The following TLL1 variants were observed in gnomAD, a reference collection of about 807,000 sequenced individuals.
The protein encoded by TLL1 is tolloid like 1, also known as tolloid-like protein 1.
Under a neutral mutation model 128.2 loss-of-function variants are expected in TLL1, and 49 were observed. The ratio of observed to expected loss-of-function variants is 0.38; its 90% confidence interval spans 0.30 to 0.48. TLL1 has a LOEUF of 0.48. TLL1 is among the 20% of genes least tolerant of loss of function. TLL1 has a pLI of 0.96. For synonymous variants in TLL1, 454 were observed against 418.8 expected (o/e 1.08, Z -1.03); for missense variants, 1,123 against 1,242.0 (o/e 0.90, Z 1.44).
At chr4:165,895,187 T>A (rs939820312) in intron 1 of TLL1, among the ~76,000 whole-genome samples, 2 of 152,034 alleles carry the variant, frequency 1.3e-5, no homozygotes, top group African/African-American at 4.8e-5. Flanking sequence ...ATCAAAGGAA[T>A]ACAGATTGGA....
chr4:166,069,990 T>C (rs1380591944), intron 16 of TLL1, among the ~76,000 whole-genome samples: 1 of 151,786 alleles, frequency 6.6e-6, no homozygotes, highest in Non-Finnish European at 1.5e-5. Context: ...ATTTGGACAT[T>C]ATGTAGAATT....
intron 1 of TLL1, among the ~76,000 whole-genome samples, chr4:165,875,883 C>T (rs1730702362): frequency 1.3e-5 from 2 of 151,692 alleles, no homozygotes; most frequent in Non-Finnish European, 2.9e-5. Flanking sequence ...GTTTAGTTTC[C>T]TCAGCAAATA....
In TLL1 at chr4:166,061,561, C is replaced by CT. The variant is rs1283856442; in HGVS notation, c.2007+1380dup. On this transcript the variant is annotated intron_variant, in intron 15 of 20. Transcript: ENST00000061240. ...TGCCTGGCCTCTTTCCTTTTAATTA[C>CT]TTTTTTTCCTCTTAATTCTGCTTGT... 2.6e-5 allele frequency among the ~76,000 whole-genome samples: 4 copies of CT among 151,990 alleles called. No homozygotes were observed. In the East Asian group the frequency reaches 7.8e-4, roughly 30 times the overall value.
chr4:165,917,534 A>G (rs1032351235), intron 1 of TLL1, among the ~76,000 whole-genome samples: 1 of 152,126 alleles, frequency 6.6e-6, no homozygotes, highest in African/African-American at 2.4e-5. Flanking sequence ...AGTGAATGAT[A>G]TATCTTTGTT....
At chr4:166,100,064 G>T (rs1742220792) in intron 20 of TLL1, among the ~76,000 whole-genome samples, 1 of 152,116 alleles carries the variant, frequency 6.6e-6, no homozygotes, top group Non-Finnish European at 1.5e-5. Flanking sequence ...CAGGTCAGAA[G>T]ACGTCACCAT....
chr4:166,062,827 C>T (rs1287282736), intron 15 of TLL1, among the ~76,000 whole-genome samples: 3 of 152,082 alleles, frequency 2.0e-5, no homozygotes, highest in Non-Finnish European at 4.4e-5. Flanking sequence ...CCAGATTTTG[C>T]CCATTCAGTA....
At position 166,089,835 on chromosome 4, in the gene TLL1, T is replaced by TC. The variant is rs1231763248; in HGVS notation, c.2443-1288dup. 9.0e-4 allele frequency among the ~76,000 whole-genome samples: 137 copies of TC among 152,230 alleles called. 2 individuals are homozygous for TC. The highest frequency in any genetic ancestry group is 3.0e-3 in the African/African-American group (123 of 41,566). ...AGACAAAAGAGAGATCAGCTTTTTT[T>TC]CCCCCTTTTCTTTCTTCCGTTAAGT... On this transcript the variant is annotated intron_variant, in intron 18 of 20. Transcript: ENST00000061240.
chr4:166,056,580 A>C (rs1475928527), intron 13 of TLL1, among the ~76,000 whole-genome samples: 1 of 152,126 alleles, frequency 6.6e-6, no homozygotes, highest in African/African-American at 2.4e-5. Context: ...ACCACAATCT[A>C]TTTCTTAATA....
chr4:165,995,633 T>A (rs1474350491), intron 5 of TLL1, among the ~76,000 whole-genome samples: 1 of 152,226 alleles, frequency 6.6e-6, no homozygotes, highest in East Asian at 1.9e-4. Context: ...TTTTGGATAG[T>A]TCCATAAATT....
chr4:165,903,256 T>G (rs1390484296), intron 1 of TLL1, among the ~76,000 whole-genome samples: 1 of 151,982 alleles, frequency 6.6e-6, no homozygotes, highest in Non-Finnish European at 1.5e-5. Flanking sequence ...GAGAATGGCT[T>G]GAACCCAGGA....
intron 16 of TLL1, 126 bp from the exon 17 acceptor site, chr4:166,074,752 T>C: frequency 8.4e-7 from 1 of 1,192,656 alleles, no homozygotes; most frequent in Non-Finnish European, 1.2e-6. Context: ...TTGTTTTATG[T>C]TGGGAACAGG....
intron 11 of TLL1, 125 bp from the exon 12 acceptor site, chr4:166,043,148 AT>A: frequency 1.5e-6 from 2 of 1,326,692 alleles, no homozygotes; most frequent in Non-Finnish European, 2.1e-6. Context: ...GTCAACTTTG[AT>A]TTTTATAGCC....
At chr4:166,085,802 T>C (rs151288432) in intron 18 of TLL1, among the ~76,000 whole-genome samples, 1,569 of 152,240 alleles carry the variant, frequency 0.01, 29 homozygotes, top group African/African-American at 0.036. Context: ...TTCTACATGT[T>C]CCCTATTCAG....
chr4:165,912,096 C>T lies in TLL1; in HGVS notation c.169+38023C>T, dbSNP rs541168285. 2.5e-3 allele frequency among the ~76,000 whole-genome samples: 379 copies of T among 152,242 alleles called. 2 individuals carry two copies. The highest frequency in any genetic ancestry group is 8.4e-3 in the African/African-American group (349 of 41,544). On this transcript the variant is annotated intron_variant, in intron 1 of 20. Transcript: ENST00000061240. ...TTCACCATGTTAGCCAGGATGGTCT[C>T]GATCTCCTGACCTCATGATCTGTCT...
At chr4:166,051,299 TTTCCTTCC>T (rs143837084) in intron 12 of TLL1, among the ~76,000 whole-genome samples, 19 of 126,532 alleles carry the variant, frequency 1.5e-4, no homozygotes, top group South Asian at 6.0e-4. Context: ...CCCTCCCTCC[TTTCCTTCC>T]TTCCTTCCTT....
intron 1 of TLL1, among the ~76,000 whole-genome samples, chr4:165,894,775 G>A (rs948808125): frequency 6.6e-6 from 1 of 151,832 alleles, no homozygotes; most frequent in Admixed American, 6.6e-5. Flanking sequence ...TCAGGTTGAG[G>A]AGGTTCCTTT....
intron 16 of TLL1, among the ~76,000 whole-genome samples, chr4:166,070,463 G>A (rs533272344): frequency 1.3e-5 from 2 of 151,882 alleles, no homozygotes; most frequent in Admixed American, 6.6e-5. Context: ...CCTTTTATAG[G>A]CAACCCTGTA....
intron 1 of TLL1, among the ~76,000 whole-genome samples, chr4:165,881,360 C>T (rs1399606701): frequency 1.3e-5 from 2 of 152,162 alleles, no homozygotes; most frequent in Non-Finnish European, 2.9e-5. Context: ...TAACATTATC[C>T]CTCCTTCTGG....
chr4:166,039,273 G>T, intron 9 of TLL1, 66 bp from the exon 10 acceptor site: 1 of 1,125,130 alleles, frequency 8.9e-7, no homozygotes, highest in South Asian at 1.3e-5. Flanking sequence ...TTACCTTTAG[G>T]AATCAAATCA....
Sources: allele counts gnomAD v4.1 joint callset (sites outside exome capture counted in the v4.1 genomes callset), GRCh38; gene constraint gnomAD v4.1.1; transcripts MANE v1.5; gene names NCBI Gene and HGNC (gene_info 2026-07-23, HGNC 2026-07-21).